Variants in PHF21B observed in about 807,000 individuals in gnomAD.
PHF21B encodes PHD finger protein 4.
A neutral mutation model predicts 62.2 loss-of-function variants in PHF21B; 22 were observed. The observed-to-expected ratio is 0.35, with a 90% CI of 0.25 to 0.51. The LOEUF (loss-of-function observed/expected upper bound fraction) is 0.51. Among genes scored for constraint, PHF21B ranks in the 20% least tolerant of loss-of-function variants. PHF21B has a pLI of 0.97. For missense variants in PHF21B, 701 were observed against 707.9 expected, an observed-to-expected ratio of 0.99 and a Z score of 0.11; for synonymous variants, 341 against 314.7, an observed-to-expected ratio of 1.08 and a Z score of -0.88.
intron 5 of PHF21B, among the ~76,000 whole-genome samples, chr22:44,910,305 G>A (rs55885501): frequency 6.6e-6 from 1 of 152,176 alleles, no homozygotes; most frequent in Non-Finnish European, 1.5e-5. Context: ...CCGAGTCTGA[G>A]CTTGGTGGCT....
intron 2 of PHF21B, among the ~76,000 whole-genome samples, chr22:44,973,968 G>A (rs1253923529): frequency 6.6e-6 from 1 of 152,138 alleles, no homozygotes; most frequent in East Asian, 1.9e-4. Context: ...ACAACACTAG[G>A]GGCGTAGTTT....
At chr22:44,957,149 G>C (rs1157754940) in intron 2 of PHF21B, among the ~76,000 whole-genome samples, 2 of 152,140 alleles carry the variant, frequency 1.3e-5, no homozygotes, top group Non-Finnish European at 2.9e-5. Flanking sequence ...TTCTGTACCT[G>C]TGGCCTCCCT....
intron 2 of PHF21B, among the ~76,000 whole-genome samples, chr22:44,959,283 G>A (rs1331517898): frequency 6.6e-6 from 1 of 152,184 alleles, no homozygotes; most frequent in African/African-American, 2.4e-5. Flanking sequence ...ATGACATTTT[G>A]CCCCGACCCA....
chr22:44,953,195 G>A (rs1224703470), intron 2 of PHF21B, among the ~76,000 whole-genome samples: 3 of 152,230 alleles, frequency 2.0e-5, no homozygotes, highest in Non-Finnish European at 2.9e-5. Flanking sequence ...AGCTGGGGCA[G>A]AAATGGCTCT....
chr22:44,979,223 G>A (rs1713471585), intron 2 of PHF21B, among the ~76,000 whole-genome samples: 3 of 152,242 alleles, frequency 2.0e-5, no homozygotes, highest in Admixed American at 2.0e-4. Context: ...TGGGGTACAG[G>A]GAGGAGGTGC....
chr22:44,952,267 CGA>C (rs754870519), intron 2 of PHF21B, among the ~76,000 whole-genome samples: 2 of 152,068 alleles, frequency 1.3e-5, no homozygotes, highest in Admixed American at 1.3e-4. Context: ...CGCTTGAACT[CGA>C]GAGTCGGAGG....
chr22:44,895,714 A>G (rs973093646), intron 6 of PHF21B, among the ~76,000 whole-genome samples: 2 of 152,208 alleles, frequency 1.3e-5, no homozygotes, highest in African/African-American at 4.8e-5. Flanking sequence ...CTCCGCTGAA[A>G]CAAGGAAGTG....
chr22:44,954,016 C>G (rs1293485997), intron 2 of PHF21B, among the ~76,000 whole-genome samples: 1 of 152,204 alleles, frequency 6.6e-6, no homozygotes, highest in Non-Finnish European at 1.5e-5. Context: ...TCCTAAGGAG[C>G]CTCTCCCGGC....
intron 5 of PHF21B, among the ~76,000 whole-genome samples, chr22:44,909,240 A>G (rs2071304215): frequency 2.6e-5 from 4 of 152,290 alleles, no homozygotes; most frequent in Admixed American, 2.6e-4. Flanking sequence ...ATAAATGCAC[A>G]ATAATTGACT....
chr22:44,885,495 T>C lies in PHF21B; in HGVS notation c.1308A>G (p.Arg436=). ...GGTGCTCGTTCTGCAGCTCACTGCC[T>C]CGTTGCAGCAGCTTCTGCTTCTCCT... ...KEEEKQKLLQ[R]GSELQNEHQQ... Residue 436 remains arginine, a synonymous_variant, in exon 12 of 13, where the codon CGA becomes CGG. Coordinates refer to ENST00000313237, the MANE Select transcript of PHF21B (RefSeq NM_138415.5). The C allele has an allele frequency of 6.3e-7, 1 of 1,599,434 alleles. No individual in the cohort carries two copies. Among genetic ancestry groups the C allele is most frequent in the South Asian group, 1.1e-5 (1 of 88,634 alleles).
At position 45,009,228 on chromosome 22, in the gene PHF21B, C is replaced by T; in HGVS notation, c.54+268G>A. On this transcript the variant is annotated intron_variant, in intron 1 of 12. Transcript: ENST00000313237. This position sits in a 1 kb window ranked among gnomAD's most constrained non-coding sequence, Gnocchi z 5.9. The stretch of plus-strand genomic sequence containing the variant: ...CCCTCCAGGCACCCTCCCAGTCATG[C>T]AGACCCTACATCGCTTAAGAGAAGA... 2.2e-6 allele frequency: 1 copy of T among 458,500 alleles called. No homozygotes were observed. The highest frequency in any genetic ancestry group is 4.0e-5 in the South Asian group (1 of 25,134). 28.4% of individuals were successfully genotyped at this position (458,500 alleles called of 1,614,324 possible). A position where few individuals can be genotyped will look rare whatever the true frequency, so the allele number is the denominator to read the frequency against.
intron 2 of PHF21B, among the ~76,000 whole-genome samples, chr22:44,928,905 A>G (rs867927356): frequency 6.6e-6 from 1 of 151,920 alleles, no homozygotes; most frequent in East Asian, 1.9e-4. Context: ...CTGAGGCCCC[A>G]CTGCCGGGGC....
At position 44,985,584 on chromosome 22, in the gene PHF21B, C is replaced by T. The variant is rs1427210924; in HGVS notation, c.120+22961G>A. On this transcript the variant is annotated intron_variant, in intron 2 of 12. Transcript: ENST00000313237. Reference sequence around the variant, plus strand: ...CCGAGCTCCACCCTGGGCAAGAAAACAAGACCCATCTCTCAAAAGAAAAAA... The same window carrying T: ...CCGAGCTCCACCCTGGGCAAGAAAATAAGACCCATCTCTCAAAAGAAAAAA... 2.0e-5 allele frequency among the ~76,000 whole-genome samples: 3 copies of T among 149,940 alleles called. No individual in the cohort carries two copies. The East Asian group carries it at 6.0e-4, about 30-fold the overall frequency.
At chr22:45,003,449 A>G (rs1384431325) in intron 2 of PHF21B, 2 of 152,254 alleles carry the variant, frequency 1.3e-5, no homozygotes, top group African/African-American at 2.4e-5. Flanking sequence ...CTACACAAGC[A>G]AGGCTAAGAA....
At chr22:44,919,108 A>G (rs1273640184) in intron 3 of PHF21B, among the ~76,000 whole-genome samples, 1 of 152,128 alleles carries the variant, frequency 6.6e-6, no homozygotes, top group Non-Finnish European at 1.5e-5. Flanking sequence ...TCTTACCCTG[A>G]GGTCTAGCTC....
intron 2 of PHF21B, among the ~76,000 whole-genome samples, chr22:44,987,765 C>CCTCTCT (rs67730231): frequency 6.8e-6 from 1 of 146,712 alleles, no homozygotes; most frequent in South Asian, 2.2e-4. Flanking sequence ...TCTCTCGTCT[C>CCTCTCT]CTCTCTCTCT....
Position 44,888,002 on chromosome 22 carries a change from C to T in PHF21B, c.1158G>A (p.Ala386=), listed in dbSNP as rs764755753. 2.2e-5 allele frequency: 35 copies of T among 1,570,598 alleles called. No homozygotes were observed. The highest frequency in any genetic ancestry group is 4.7e-5 in the South Asian group (4 of 84,650). The change falls in exon 10 of 13, where the codon GCG becomes GCA. Residue 386 remains alanine (A), a synonymous_variant. Transcript: ENST00000313237. Reference sequence around the variant, plus strand: ...TGGGGCACACCCACACGCCCTTGGGCGCCGTCTTGAGGGGCGGCTCCAGGC... The same window carrying T: ...TGGGGCACACCCACACGCCCTTGGGTGCCGTCTTGAGGGGCGGCTCCAGGC... ...LSCLEPPLKT[A]PKGVWVCPRC... is the part of the protein sequence containing the mutation.
At chr22:44,993,064 AG>A (rs1456452430) in intron 2 of PHF21B, among the ~76,000 whole-genome samples, 3 of 152,218 alleles carry the variant, frequency 2.0e-5, no homozygotes, top group East Asian at 3.9e-4. Context: ...CTGAGATGCC[AG>A]GGAACACAAG....
chr22:44,979,697 T>C (rs2072802211), intron 2 of PHF21B, among the ~76,000 whole-genome samples: 1 of 152,260 alleles, frequency 6.6e-6, no homozygotes, highest in Non-Finnish European at 1.5e-5. Flanking sequence ...TCAGACACTT[T>C]AAGCTGTGCC....
Sources: allele counts gnomAD v4.1 joint callset (sites outside exome capture counted in the v4.1 genomes callset), GRCh38; gene constraint gnomAD v4.1.1; non-coding constraint Gnocchi (gnomAD v3.1); transcripts MANE v1.5; gene names NCBI Gene and HGNC (gene_info 2026-07-23, HGNC 2026-07-21).